Variants in AKAP19 observed in about 807,000 individuals in gnomAD.
The protein encoded by AKAP19 is small A-kinase anchoring protein.
the AKAP19 span, among the ~76,000 whole-genome samples, chr2:189,966,456 T>C: frequency 6.6e-6 from 1 of 152,170 alleles, no homozygotes; most frequent in African/African-American, 2.4e-5. Context: ...AAATGAGATA[T>C]GCCTGAATAT....
At chr2:190,166,670 T>C in the AKAP19 span, among the ~76,000 whole-genome samples, 1 of 152,162 alleles carries the variant, frequency 6.6e-6, no homozygotes, top group Non-Finnish European at 1.5e-5. Context: ...AGAAACCATT[T>C]GCTTATCTCT....
At chr2:190,190,310 A>G in the AKAP19 span, among the ~76,000 whole-genome samples, 1 of 152,200 alleles carries the variant, frequency 6.6e-6, no homozygotes, top group Non-Finnish European at 1.5e-5. Flanking sequence ...ATTCATATAA[A>G]TATGATCCAT....
At chr2:189,971,880 T>TA in the AKAP19 span, among the ~76,000 whole-genome samples, 1 of 151,954 alleles carries the variant, frequency 6.6e-6, no homozygotes, top group Non-Finnish European at 1.5e-5. Context: ...TTCTGGATAT[T>TA]AGCCCTTTGT....
chr2:190,044,316 C>T, the AKAP19 span, among the ~76,000 whole-genome samples: 6 of 152,268 alleles, frequency 3.9e-5, no homozygotes, highest in South Asian at 4.1e-4. Flanking sequence ...TCAGCAATTG[C>T]TCAGTGCAAT....
the AKAP19 span, among the ~76,000 whole-genome samples, chr2:189,925,191 G>A: frequency 6.6e-6 from 1 of 152,134 alleles, no homozygotes; most frequent in African/African-American, 2.4e-5. Context: ...CCAACTGGAT[G>A]TCTTTTAGGA....
At chr2:190,004,190 G>T in the AKAP19 span, among the ~76,000 whole-genome samples, 8 of 151,884 alleles carry the variant, frequency 5.3e-5, no homozygotes, top group African/African-American at 1.9e-4. Flanking sequence ...GAGTTAATGG[G>T]TGCAGCACAC....
the AKAP19 span, chr2:190,190,111 G>T: frequency 6.6e-6 from 1 of 152,190 alleles, no homozygotes; most frequent in Non-Finnish European, 1.5e-5. Flanking sequence ...GTAAACAGAT[G>T]TTAAAGGTAC....
At chr2:190,020,243 A>G in the AKAP19 span, among the ~76,000 whole-genome samples, 3 of 152,324 alleles carry the variant, frequency 2.0e-5, no homozygotes, top group African/African-American at 7.2e-5. Context: ...AAAACTTGGG[A>G]CCAAAGATTA....
the AKAP19 span, among the ~76,000 whole-genome samples, chr2:190,196,692 C>A: frequency 1.3e-5 from 2 of 152,060 alleles, no homozygotes; most frequent in Non-Finnish European, 2.9e-5. Flanking sequence ...AGGATTATTT[C>A]TGTTTGAACT....
chr2:189,930,411 C>T, the AKAP19 span: 111 of 286,062 alleles, frequency 3.9e-4, no homozygotes, highest in African/African-American at 2.4e-3. Context: ...GGCGCGGTGG[C>T]TTCACGCCTG....
the AKAP19 span, chr2:190,057,587 C>T: frequency 2.5e-6 from 4 of 1,613,322 alleles, no homozygotes; most frequent in Non-Finnish European, 3.4e-6. Context: ...AGACCAAAAT[C>T]CCTTCTGGAT....
At chr2:190,060,566 G>A in the AKAP19 span, 39 of 779,192 alleles carry the variant, frequency 5.0e-5, 1 homozygote, top group East Asian at 1.4e-4. Flanking sequence ...ATGAAATACC[G>A]TGTGGAACTT....
chr2:189,983,220 C>T, the AKAP19 span, among the ~76,000 whole-genome samples: 2 of 152,134 alleles, frequency 1.3e-5, no homozygotes, highest in Non-Finnish European at 2.9e-5. Context: ...AGATTTTGTT[C>T]TTTGGATCCT....
chr2:189,997,066 G>C, the AKAP19 span, among the ~76,000 whole-genome samples: 1 of 152,228 alleles, frequency 6.6e-6, no homozygotes, highest in African/African-American at 2.4e-5. Context: ...TTTCTCAAAT[G>C]TTGGTTATGC....
At chr2:190,114,604 C>T in the AKAP19 span, among the ~76,000 whole-genome samples, 2 of 152,082 alleles carry the variant, frequency 1.3e-5, no homozygotes, top group Non-Finnish European at 2.9e-5. Flanking sequence ...TACAGGCACC[C>T]GCCACCATGC....
chr2:190,176,303 G>T, the AKAP19 span, among the ~76,000 whole-genome samples: 440 of 152,278 alleles, frequency 2.9e-3, 1 homozygote, highest in African/African-American at 9.9e-3. The surrounding 1 kb of genome is among the most constrained non-coding windows in gnomAD (Gnocchi z 4.7). Flanking sequence ...ACAACTAGGA[G>T]TAGTAAAAAA....
chr2:189,883,963 T>C, the AKAP19 span, among the ~76,000 whole-genome samples: 1 of 152,196 alleles, frequency 6.6e-6, no homozygotes, highest in Non-Finnish European at 1.5e-5. Flanking sequence ...TTTTAATTTA[T>C]AAAGAACTTA....
chr2:190,168,001 C>A, the AKAP19 span, among the ~76,000 whole-genome samples: 1 of 152,194 alleles, frequency 6.6e-6, no homozygotes, highest in African/African-American at 2.4e-5. Flanking sequence ...AGGGCTCCAA[C>A]CCCACATTTC....
At chr2:189,978,988 TA>T in the AKAP19 span, among the ~76,000 whole-genome samples, 2 of 151,978 alleles carry the variant, frequency 1.3e-5, no homozygotes, top group Non-Finnish European at 2.9e-5. Context: ...TCAATATCAT[TA>T]AAATGACCAT....
Sources: allele counts gnomAD v4.1 joint callset (sites outside exome capture counted in the v4.1 genomes callset), GRCh38; gene constraint gnomAD v4.1.1; non-coding constraint Gnocchi (gnomAD v3.1); transcripts MANE v1.5; gene names NCBI Gene and HGNC (gene_info 2026-07-23, HGNC 2026-07-21).